Variants in PPP2R5B observed in about 807,000 individuals in gnomAD.
PPP2R5B encodes serine/threonine-protein phosphatase 2A 56 kDa regulatory subunit beta isoform.
PPP2R5B carries 19 observed loss-of-function variants against 59.9 expected under a neutral mutation model. That is an observed-to-expected ratio of 0.32 (90% confidence interval 0.22 to 0.47). PPP2R5B has a LOEUF of 0.47. Ranked by LOEUF, PPP2R5B falls within the 20% of genes least tolerant of loss-of-function variation. The pLI, the probability that PPP2R5B is intolerant of heterozygous loss-of-function variation, is 1.00. For synonymous variants in PPP2R5B, 286 were observed against 260.5 expected, an observed-to-expected ratio of 1.10 and a Z score of -0.94; for missense variants, 441 against 640.2, an observed-to-expected ratio of 0.69 and a Z score of 3.36.
Position 64,931,878 on chromosome 11 carries a change from AG to A in PPP2R5B, c.1116+12del. On this transcript the variant is annotated intron_variant, in intron 11 of 13. Transcript: ENST00000164133. This position sits in a 1 kb window ranked among gnomAD's most constrained non-coding sequence, Gnocchi z 5.0. Reference sequence around the variant, plus strand: ...CAGCCCCCATTTCCAGGTATGAGGCAGGACAGGCGGGGATGGGAGCAGGGCT... The same window carrying A: ...CAGCCCCCATTTCCAGGTATGAGGCAGACAGGCGGGGATGGGAGCAGGGCT... 6.2e-7 allele frequency: 1 copy of A among 1,613,682 alleles called. No individual in the cohort carries two copies. The highest frequency in any genetic ancestry group is 8.5e-7 in the Non-Finnish European group (1 of 1,179,858).
Position 64,925,703 on chromosome 11 carries a change from G to C in PPP2R5B, c.-32G>C, listed in dbSNP as rs1233904341. 2 of 1,454,714 alleles carry C rather than the reference G, an allele frequency of 1.4e-6. No homozygotes were observed. The highest frequency in any genetic ancestry group is 2.4e-5 in the South Asian group (2 of 84,180). 90.1% of individuals were successfully genotyped at this position (1,454,714 alleles called of 1,614,324 possible). On this transcript the variant is annotated 5_prime_UTR_variant, in exon 2 of 14. Coordinates refer to ENST00000164133, the MANE Select transcript of PPP2R5B (RefSeq NM_006244.4). The surrounding 1 kb of genome is among the most constrained non-coding windows in gnomAD (Gnocchi z 4.6). ...CCCAGGCCCAGAGAGAACCCCCGGGGCTCTGAAAGCTTGCCCTGCCGCCTG... is the reference window on the plus strand; with the variant it reads ...CCCAGGCCCAGAGAGAACCCCCGGGCCTCTGAAAGCTTGCCCTGCCGCCTG...
chr11:64,926,056 G>T (rs1205378270), intron 2 of PPP2R5B, 123 bp downstream of exon 2: 2 of 1,011,444 alleles, frequency 2.0e-6, no homozygotes, highest in Non-Finnish European at 2.9e-6. Flanking sequence ...TCCAGGCTAG[G>T]TTCTCCGCCA....
chr11:64,934,013 T>C lies in PPP2R5B; in HGVS notation c.*169T>C. The C allele has an allele frequency of 1.2e-6, 1 of 817,288 alleles. No individual in the cohort carries two copies. Among genetic ancestry groups the C allele is most frequent in the Middle Eastern group, 4.0e-4 (1 of 2,526 alleles). 50.6% of individuals were successfully genotyped at this position (817,288 alleles called of 1,614,324 possible). ...ACTGGGGGGAGACGAGGAGAGGCAA[T>C]GGTGGTCTTGGCAACAGAATGCTCA... On this transcript the variant is annotated 3_prime_UTR_variant, in exon 14 of 14. Transcript: ENST00000164133.
At chr11:64,926,666 G>A (rs1253619174) in intron 2 of PPP2R5B, 46 bp from the exon 3 acceptor site, 3 of 1,601,380 alleles carry the variant, frequency 1.9e-6, no homozygotes, top group Non-Finnish European at 2.6e-6. Context: ...AGCTGGGGCA[G>A]CTGGGGGAGC....
Position 64,931,729 on chromosome 11 carries a change from C to G in PPP2R5B, c.997-20C>G. ...GAGCTGCTGCCCCTCTGTCCCTACT[C>G]CCCTCCCCAACCCACCCAGGTGATG... On this transcript the variant is annotated intron_variant, in intron 10 of 13. Transcript: ENST00000164133. The surrounding 1 kb of genome is among the most constrained non-coding windows in gnomAD (Gnocchi z 5.0). The G allele has an allele frequency of 6.2e-7, 1 of 1,614,026 alleles. No individual in the cohort carries two copies. The highest frequency in any genetic ancestry group is 8.5e-7 in the Non-Finnish European group (1 of 1,179,946).
chr11:64,928,856 A>G (rs1945198926), intron 6 of PPP2R5B, among the ~76,000 whole-genome samples: 1 of 152,152 alleles, frequency 6.6e-6, no homozygotes, highest in African/African-American at 2.4e-5. Flanking sequence ...TGCAGTCCGC[A>G]GTCCGGCCTG....
Position 64,925,181 on chromosome 11 carries a change from G to C in PPP2R5B, c.-265+153G>C, listed in dbSNP as rs985582478. 3.3e-5 allele frequency among the ~76,000 whole-genome samples: 5 copies of C among 152,200 alleles called. No homozygotes were observed. The highest frequency in any genetic ancestry group is 1.2e-4 in the African/African-American group (5 of 41,452). ...GCCGGGATTAGTGGAGCAGCGATGC[G>C]TTCCATTCTGAAAGGGGCAGGGATG... On this transcript the variant is annotated intron_variant, in intron 1 of 13. Coordinates refer to ENST00000164133, the MANE Select transcript of PPP2R5B (RefSeq NM_006244.4). This position sits in a 1 kb window ranked among gnomAD's most constrained non-coding sequence, Gnocchi z 4.6.
rs545733169 is a variant in PPP2R5B at position 64,932,968 on chromosome 11, C to T, written c.1244+76C>T. 4.4e-6 allele frequency: 7 copies of T among 1,580,850 alleles called. No individual in the cohort carries two copies. The East Asian group carries it at 1.6e-4, about 35-fold the overall frequency. On this transcript the variant is annotated intron_variant, in intron 12 of 13. Transcript: ENST00000164133. ...CAGTCCAGACCCGACCCCAGGGTTA[C>T]TCCTAGCTGGAGAATATCAGAGAAA...
chr11:64,926,837 G>A lies in PPP2R5B; in HGVS notation c.325G>A (p.Glu109Lys). 6.2e-7 allele frequency: 1 copy of A among 1,614,196 alleles called. No individual in the cohort carries two copies. ...GGAGGTGAAGCGGGCAGCCCTCAAC[G>A]AGCTGGTGGAGTGTGTGGGGAGCAC... ...GKEVKRAALN[E>K]LVECVGSTRG... Residue 109 changes from glutamate (E) to lysine (K), a missense_variant, in exon 3 of 14, where the codon GAG becomes AAG. Transcript: ENST00000164133.
chr11:64,933,185 A>C lies in PPP2R5B; in HGVS notation c.1285A>C (p.Met429Leu), dbSNP rs1444027966. The part of the protein sequence containing the change: ...SLIYNVLKTF[M>L]EMNGKLFDEL... Reference sequence around the variant, plus strand: ...GATCTACAATGTGCTCAAGACCTTCATGGAGATGAATGGGAAGCTGTTTGA... The same window carrying C: ...GATCTACAATGTGCTCAAGACCTTCCTGGAGATGAATGGGAAGCTGTTTGA... Residue 429 changes from methionine (M) to leucine (L), a missense_variant, in exon 13 of 14, where the codon ATG becomes CTG. Around this residue, in one of 3 missense-constraint regions of PPP2R5B, gnomAD observed 268 missense variants for 488.1 expected, o/e 0.55. Transcript: ENST00000164133. 1.7e-5 allele frequency: 27 copies of C among 1,613,410 alleles called. No homozygotes were observed. Among genetic ancestry groups the C allele is most frequent in the Non-Finnish European group, 2.2e-5 (26 of 1,179,478 alleles).
chr11:64,928,553 G>A, intron 6 of PPP2R5B, 128 bp downstream of exon 6: 2 of 1,410,268 alleles, frequency 1.4e-6, no homozygotes, highest in Non-Finnish European at 1.9e-6. Flanking sequence ...GAGGTGGGTG[G>A]ATCACCTAAG....
chr11:64,922,305 G>A (rs1334222118), upstream of PPP2R5B, among the ~76,000 whole-genome samples: 4 of 136,216 alleles, frequency 2.9e-5, no homozygotes, highest in African/African-American at 1.1e-4. Context: ...GCAACATGGC[G>A]AAACCCTGTC....
chr11:64,931,385 C>A lies in PPP2R5B; in HGVS notation c.892-51C>A. Reference sequence around the variant, plus strand: ...GTCCTGGACAGCAAGTCCTTGGCGCCTGGTGCCTTCCTGACCTGTCTTCCT... The same window carrying A: ...GTCCTGGACAGCAAGTCCTTGGCGCATGGTGCCTTCCTGACCTGTCTTCCT... On this transcript the variant is annotated intron_variant, in intron 8 of 13. Transcript: ENST00000164133. The surrounding 1 kb of genome is among the most constrained non-coding windows in gnomAD (Gnocchi z 5.0). The A allele has an allele frequency of 6.3e-7, 1 of 1,593,176 alleles. No individual in the cohort carries two copies. Among genetic ancestry groups the A allele is most frequent in the Non-Finnish European group, 8.6e-7 (1 of 1,162,348 alleles).
intron 4 of PPP2R5B, 35 bp from the exon 5 acceptor site, chr11:64,928,031 C>G: frequency 3.1e-6 from 5 of 1,602,820 alleles, no homozygotes; most frequent in Non-Finnish European, 4.3e-6. Context: ...GAGGCTGTTA[C>G]TGAACTCACC....
At chr11:64,927,709 GA>G in intron 3 of PPP2R5B, 92 bp from the exon 4 acceptor site, 1 of 1,025,686 alleles carries the variant, frequency 9.7e-7, no homozygotes, top group Non-Finnish European at 1.5e-6. Context: ...CCTGTCTTGG[GA>G]AAGAAAAAAA....
chr11:64,933,048 G>A, intron 12 of PPP2R5B, 97 bp from the exon 13 acceptor site: 1 of 1,489,758 alleles, frequency 6.7e-7, no homozygotes, highest in South Asian at 1.2e-5. Context: ...GGCAGTGCTT[G>A]TGTTCAGGTG....
At position 64,932,866 on chromosome 11, in the gene PPP2R5B, C is replaced by T. The variant is rs1217434593; in HGVS notation, c.1218C>T (p.Tyr406=). The part of the protein sequence containing the change: ...TVLPAVFGTL[Y]QVSKEHWNQT... ...TGCCTGCTGTGTTTGGGACCCTCTA[C>T]CAAGTCTCCAAGGAGCACTGGAACC... Residue 406 remains tyrosine (Y), a synonymous_variant, in exon 12 of 14, where the codon TAC becomes TAT. Transcript: ENST00000164133. 2 of 1,614,142 alleles carry T rather than the reference C, an allele frequency of 1.2e-6. No individual in the cohort carries two copies. Among genetic ancestry groups the T allele is most frequent in the Admixed American group, 1.7e-5 (1 of 60,014 alleles).
chr11:64,926,884 C>T lies in PPP2R5B; in HGVS notation c.372C>T (p.Pro124=), dbSNP rs1048095341. 1.4e-5 allele frequency: 22 copies of T among 1,613,976 alleles called. No individual in the cohort carries two copies. In the Admixed American group the frequency reaches 2.5e-4, roughly 18 times the overall value. The change falls in exon 3 of 14, where the codon CCC becomes CCT. Residue 124 remains proline, a synonymous_variant. Coordinates refer to ENST00000164133, the MANE Select transcript of PPP2R5B (RefSeq NM_006244.4). ...GCACCCGGGGTGTCCTCATCGAGCC[C>T]GTCTACCCAGACATCATCCGCATGG... is the stretch of plus-strand genomic sequence containing the variant. ...VGSTRGVLIE[P]VYPDIIRMIS...
At position 64,931,729 on chromosome 11, in the gene PPP2R5B, C is replaced by T. The variant is rs1029397922; in HGVS notation, c.997-20C>T. 9.3e-6 allele frequency: 15 copies of T among 1,613,908 alleles called. No individual in the cohort carries two copies. The highest frequency in any genetic ancestry group is 1.2e-5 in the Non-Finnish European group (14 of 1,179,954). On this transcript the variant is annotated intron_variant, in intron 10 of 13. Transcript: ENST00000164133. The surrounding 1 kb of genome is among the most constrained non-coding windows in gnomAD (Gnocchi z 5.0). ...GAGCTGCTGCCCCTCTGTCCCTACT[C>T]CCCTCCCCAACCCACCCAGGTGATG... is the stretch of plus-strand genomic sequence containing the variant.
Sources: allele counts gnomAD v4.1 joint callset (sites outside exome capture counted in the v4.1 genomes callset), GRCh38; gene constraint gnomAD v4.1.1; regional missense constraint gnomAD v4.1.1; non-coding constraint Gnocchi (gnomAD v3.1); transcripts MANE v1.5; gene names NCBI Gene and HGNC (gene_info 2026-07-23, HGNC 2026-07-21).